Variants in COLQ observed in about 807,000 individuals in gnomAD.
The protein encoded by COLQ is collagen like tail subunit of asymmetric acetylcholinesterase.
In COLQ, 48 loss-of-function variants were observed where a neutral mutation model predicts 69.0. The ratio of observed to expected loss-of-function variants is 0.70; its 90% CI spans 0.55 to 0.88. The LOEUF is 0.88. COLQ is among the 40% of genes least tolerant of loss of function. The probability of loss-of-function intolerance (pLI) is 0.00; values close to 1 mark genes in which losing one functional copy is unlikely to be tolerated. For synonymous variants in COLQ, 217 were observed against 211.2 expected, an observed-to-expected ratio of 1.03 and a Z score of -0.24; for missense variants, 618 against 594.6, an observed-to-expected ratio of 1.04 and a Z score of -0.41.
chr3:15,470,337 C>T (rs2062259869), intron 11 of COLQ, among the ~76,000 whole-genome samples, 199 bp downstream of exon 11: 1 of 152,194 alleles, frequency 6.6e-6, no homozygotes, highest in African/African-American at 2.4e-5. Context: ...AGCATCCTAT[C>T]CCATCCACTT....
In COLQ at chr3:15,487,791, G is replaced by A. The variant is rs193259853; in HGVS notation, c.321+415C>T. Reference sequence around the variant, plus strand: ...AATACCTGGGGGCCCAGTGAGGCAGGAAACCATCTCCTCTGCACCTCCACT... The same window carrying A: ...AATACCTGGGGGCCCAGTGAGGCAGAAAACCATCTCCTCTGCACCTCCACT... On this transcript the variant is annotated intron_variant, in intron 3 of 16. Coordinates refer to ENST00000383788, the MANE Select transcript of COLQ (RefSeq NM_005677.4). Among the ~76,000 whole-genome samples the A allele has an allele frequency of 2.0e-3, 306 of 152,280 alleles. 1 individual carries two copies. The highest frequency in any genetic ancestry group is 3.7e-3 in the Non-Finnish European group (249 of 68,022).
Position 15,503,803 on chromosome 3 carries a change from A to C in COLQ, c.107-14166T>G, listed in dbSNP as rs115847309. On this transcript the variant is annotated intron_variant, in intron 1 of 16. Transcript: ENST00000383788. ...TGACTCCAGAGACTTCTGGAGGTTC[A>C]GTTACCAGCACACGGTGGAGATCTT... 8.0e-3 allele frequency among the ~76,000 whole-genome samples: 1,219 copies of C among 152,250 alleles called. 15 individuals are homozygous for C. The highest frequency in any genetic ancestry group is 0.027 in the African/African-American group (1,142 of 41,550).
rs746744618 is a variant in COLQ at position 15,474,014 on chromosome 3, T to C, written c.622A>G (p.Met208Val). 1.9e-6 allele frequency: 3 copies of C among 1,614,156 alleles called. No individual in the cohort carries two copies. The highest frequency in any genetic ancestry group is 2.2e-5 in the South Asian group (2 of 91,082). Residue 208 changes from methionine (M) to valine (V), a missense_variant, in exon 10 of 17, where the codon ATG (methionine) becomes GTG (valine). Met to Val is a conservative substitution (Grantham distance 21). Transcript: ENST00000383788. ...AGGTTACTTACTTTCTGCCCCAACA[T>C]TCCAGGAAATCCTGGGAAACCCTGT... ...GEKGFPGFPGMLGQKGEMGPK... is the reference protein window; with the variant it reads ...GEKGFPGFPGVLGQKGEMGPK...
chr3:15,502,663 C>T (rs566250456), intron 1 of COLQ, among the ~76,000 whole-genome samples: 1 of 152,312 alleles, frequency 6.6e-6, no homozygotes, highest in African/African-American at 2.4e-5. Context: ...ATCTGCCCAC[C>T]TTGGCTTCCC....
At chr3:15,503,249 G>A (rs2062857338) in intron 1 of COLQ, among the ~76,000 whole-genome samples, 2 of 152,224 alleles carry the variant, frequency 1.3e-5, no homozygotes, top group Non-Finnish European at 2.9e-5. Flanking sequence ...AGTTGAGACT[G>A]TGTGGAAAAG....
chr3:15,479,273 G>A lies in COLQ; in HGVS notation c.366+65C>T. 4 of 1,521,532 alleles carry A rather than the reference G, an allele frequency of 2.6e-6. No homozygotes were observed. In the Admixed American group the frequency reaches 5.0e-5, roughly 19 times the overall value. 94.3% of individuals were successfully genotyped at this position (1,521,532 alleles called of 1,614,324 possible). A position where few individuals can be genotyped will look rare whatever the true frequency, so the allele number is the denominator to read the frequency against. ...AATCTCAACTAGGAAATTCTCAGTG[G>A]GATGCCCAGAAAACAGGCTGGAATT... is the stretch of plus-strand genomic sequence containing the variant. On this transcript the variant is annotated intron_variant, in intron 4 of 16. Coordinates refer to ENST00000383788, the MANE Select transcript of COLQ (RefSeq NM_005677.4).
chr3:15,492,246 A>T (rs761803667), intron 1 of COLQ, among the ~76,000 whole-genome samples: 1 of 152,230 alleles, frequency 6.6e-6, no homozygotes, highest in Non-Finnish European at 1.5e-5. Context: ...GAATGTGTCC[A>T]CCATGTGATG....
chr3:15,521,393 C>T, intron 1 of COLQ, 127 bp downstream of exon 1: 1 of 1,309,634 alleles, frequency 7.6e-7, no homozygotes, highest in South Asian at 1.3e-5. Context: ...GGGTGGCCGT[C>T]TTCCTTCCAA....
chr3:15,477,031 G>C, intron 6 of COLQ, 95 bp downstream of exon 6: 1 of 1,184,932 alleles, frequency 8.4e-7, no homozygotes, highest in Non-Finnish European at 1.2e-6. Flanking sequence ...CTTGAAGAAG[G>C]GATTCCCTGA....
intron 1 of COLQ, 146 bp from the exon 2 acceptor site, chr3:15,489,783 G>C: frequency 1.4e-6 from 1 of 701,416 alleles, no homozygotes; most frequent in East Asian, 2.7e-5. Context: ...CCTCCTGTTG[G>C]CTACTTGACA....
intron 1 of COLQ, among the ~76,000 whole-genome samples, chr3:15,503,722 G>A (rs1575492793): frequency 6.6e-6 from 1 of 152,054 alleles, no homozygotes; most frequent in African/African-American, 2.4e-5. Flanking sequence ...ATTAAGGGAT[G>A]CACCCAAGGT....
intron 1 of COLQ, among the ~76,000 whole-genome samples, chr3:15,501,334 C>T (rs188996639): frequency 6.6e-6 from 1 of 152,200 alleles, no homozygotes; most frequent in East Asian, 1.9e-4. Flanking sequence ...TGTTCCCTGC[C>T]GATGGGGCTG....
intron 1 of COLQ, among the ~76,000 whole-genome samples, chr3:15,509,337 G>T (rs891377471): frequency 1.3e-5 from 2 of 152,172 alleles, no homozygotes; most frequent in Non-Finnish European, 2.9e-5. Flanking sequence ...TACAGTAAGT[G>T]GCTTGTCTTC....
At chr3:15,493,816 G>C (rs1396277370) in intron 1 of COLQ, among the ~76,000 whole-genome samples, 1 of 152,252 alleles carries the variant, frequency 6.6e-6, no homozygotes, top group African/African-American at 2.4e-5. Flanking sequence ...AGGCGTGGTG[G>C]CTCACGCCTG....
chr3:15,490,891 G>C (rs770915211), intron 1 of COLQ, among the ~76,000 whole-genome samples: 13 of 152,304 alleles, frequency 8.5e-5, no homozygotes, highest in Middle Eastern at 3.4e-3. Context: ...TTTACCAATA[G>C]AAAAGTGGGT....
rs141812091 is a variant in COLQ at position 15,478,825 on chromosome 3, T to C, written c.393+152A>G. On this transcript the variant is annotated intron_variant, in intron 5 of 16. Transcript: ENST00000383788. Reference sequence around the variant, plus strand: ...AAGTTGACAGAAAGGGCAAGGTTACTACTGTCACCATCGAGACAGCAGCAC... The same window carrying C: ...AAGTTGACAGAAAGGGCAAGGTTACCACTGTCACCATCGAGACAGCAGCAC... 377 of 897,242 alleles carry C rather than the reference T, an allele frequency of 4.2e-4. 1 individual carries two copies. In the African/African-American group the frequency reaches 5.7e-3, roughly 14 times the overall value. 55.6% of individuals were successfully genotyped at this position (897,242 alleles called of 1,614,324 possible).
At chr3:15,463,239 G>C (rs1215384855) in intron 12 of COLQ, among the ~76,000 whole-genome samples, 1 of 151,598 alleles carries the variant, frequency 6.6e-6, no homozygotes, top group African/African-American at 2.4e-5. Flanking sequence ...ATCCCAGTCC[G>C]CTAAGGATCT....
intron 7 of COLQ, 183 bp downstream of exon 7, chr3:15,475,242 T>C: frequency 2.9e-6 from 2 of 680,622 alleles, no homozygotes; most frequent in Non-Finnish European, 5.0e-6. Flanking sequence ...AGGAATGGCA[T>C]CCCTATGCCC....
intron 16 of COLQ, among the ~76,000 whole-genome samples, chr3:15,452,268 T>C (rs1201460187): frequency 6.6e-6 from 1 of 152,138 alleles, no homozygotes; most frequent in Non-Finnish European, 1.5e-5. Flanking sequence ...GATTTCACCA[T>C]GTTGGCCAGG....
Sources: allele counts gnomAD v4.1 joint callset (sites outside exome capture counted in the v4.1 genomes callset), GRCh38; gene constraint gnomAD v4.1.1; transcripts MANE v1.5; gene names NCBI Gene and HGNC (gene_info 2026-07-23, HGNC 2026-07-21).